C1orf87: variants seen among roughly 807,000 people sequenced by gnomAD.
C1orf87 encodes uncharacterized protein C1orf87.
In C1orf87, 58 loss-of-function variants were observed where a neutral mutation model predicts 60.5. The observed-to-expected ratio is 0.96, with a 90% CI of 0.78 to 1.19. The LOEUF is 1.19. Among genes scored for constraint, C1orf87 ranks in the 50% most tolerant of loss-of-function variants. The probability of loss-of-function intolerance (pLI) is 0.00; values close to 1 mark genes in which losing one functional copy is unlikely to be tolerated. For synonymous variants in C1orf87, 236 were observed against 227.4 expected (o/e 1.04, Z -0.34); for missense variants, 673 against 638.6 (o/e 1.05, Z -0.58).
chr1:60,019,805 A>G (rs1645149960), intron 8 of C1orf87, among the ~76,000 whole-genome samples: 1 of 152,166 alleles, frequency 6.6e-6, no homozygotes, highest in Admixed American at 6.5e-5. Flanking sequence ...CTTGAGAGAG[A>G]TGATTTAGGG....
At chr1:60,048,201 G>C (rs1406109602) in intron 3 of C1orf87, among the ~76,000 whole-genome samples, 1 of 152,126 alleles carries the variant, frequency 6.6e-6, no homozygotes, top group East Asian at 1.9e-4. Flanking sequence ...CACTCATTTT[G>C]TGAGAAGCCA....
chr1:59,991,584 T>C (rs936255221), intron 11 of C1orf87, among the ~76,000 whole-genome samples: 3 of 152,350 alleles, frequency 2.0e-5, no homozygotes, highest in Non-Finnish European at 2.9e-5. Context: ...TGGTTGAATC[T>C]GTAGTTGCGG....
intron 8 of C1orf87, among the ~76,000 whole-genome samples, chr1:60,013,327 C>G (rs1645102629): frequency 6.6e-6 from 1 of 151,782 alleles, no homozygotes; most frequent in African/African-American, 2.4e-5. Context: ...GGTTATTTTT[C>G]TCTAGATTTT....
chr1:60,027,844 T>A (rs1268454563), intron 7 of C1orf87, among the ~76,000 whole-genome samples: 1 of 152,178 alleles, frequency 6.6e-6, no homozygotes. Context: ...AGCACGGTGC[T>A]TTTTAGAAGC....
At chr1:60,046,274 C>A (rs1234326164) in intron 3 of C1orf87, among the ~76,000 whole-genome samples, 2 of 125,872 alleles carry the variant, frequency 1.6e-5, no homozygotes, top group Non-Finnish European at 3.2e-5. Context: ...CTTTCTCTTT[C>A]TCTCCTTCTT....
chr1:60,022,910 A>G (rs1315416908), intron 8 of C1orf87, among the ~76,000 whole-genome samples: 1 of 152,158 alleles, frequency 6.6e-6, no homozygotes, highest in African/African-American at 2.4e-5. Flanking sequence ...TGAAGGGAAG[A>G]TTCATTTCCC....
chr1:59,990,834 C>G lies in C1orf87; in HGVS notation c.1481-1G>C, dbSNP rs1176039594. 1 of 1,613,708 alleles carries G rather than the reference C, an allele frequency of 6.2e-7. No homozygotes were observed. Among genetic ancestry groups the G allele is most frequent in the Admixed American group, 1.7e-5 (1 of 60,000 alleles). On this transcript the variant is annotated splice_acceptor_variant, in intron 11 of 11. Transcript: ENST00000371201. LOFTEE classifies it high-confidence loss of function. Reference sequence around the variant, plus strand: ...CTGGCTCGTTCCTTCTCCAGAACTCCTGTGATTGGATTGGGTAGGAGGAAG... The same window carrying G: ...CTGGCTCGTTCCTTCTCCAGAACTCGTGTGATTGGATTGGGTAGGAGGAAG...
chr1:60,034,250 T>C (rs1645259403), intron 6 of C1orf87, among the ~76,000 whole-genome samples: 3 of 152,226 alleles, frequency 2.0e-5, no homozygotes. Flanking sequence ...AGGTGGTCTG[T>C]CTAACAGACT....
intron 8 of C1orf87, among the ~76,000 whole-genome samples, chr1:60,012,830 A>T (rs1044472059): frequency 6.6e-6 from 1 of 152,156 alleles, no homozygotes; most frequent in African/African-American, 2.4e-5. Context: ...AGGCACATGG[A>T]TCAATGGGAC....
chr1:59,990,854 A>G, intron 11 of C1orf87, 21 bp from the exon 12 acceptor site: 1 of 1,610,332 alleles, frequency 6.2e-7, no homozygotes, highest in South Asian at 1.1e-5. Flanking sequence ...ATTGGGTAGG[A>G]GGAAGGTTTT....
chr1:60,047,737 A>AG (rs1645383319), intron 3 of C1orf87, among the ~76,000 whole-genome samples: 1 of 151,860 alleles, frequency 6.6e-6, no homozygotes, highest in Non-Finnish European at 1.5e-5. Flanking sequence ...AAGTCCAAAA[A>AG]AAAAAAAGAG....
Position 60,068,344 on chromosome 1 carries a change from A to G in C1orf87, c.107+4193T>C, listed in dbSNP as rs146362940. Among the ~76,000 whole-genome samples, 585 of 152,296 alleles carry G rather than the reference A, an allele frequency of 3.8e-3. 2 individuals carry two copies. Among genetic ancestry groups the G allele is most frequent in the African/African-American group, 0.013 (554 of 41,550 alleles). ...TATTTAATCTTGTTGGTTTTAGCTT[A>G]TTTCCCTGCCAAGGCTTGTCAGCTT... On this transcript the variant is annotated intron_variant, in intron 2 of 11. Coordinates refer to ENST00000371201, the MANE Select transcript of C1orf87 (RefSeq NM_152377.3).
intron 2 of C1orf87, among the ~76,000 whole-genome samples, chr1:60,070,158 T>C (rs1645574621): frequency 6.6e-6 from 1 of 152,174 alleles, no homozygotes; most frequent in Non-Finnish European, 1.5e-5. Context: ...TGTGGTACAC[T>C]ATTACAGCAG....
chr1:60,000,518 A>G (rs1194938166), intron 10 of C1orf87, among the ~76,000 whole-genome samples: 1 of 152,120 alleles, frequency 6.6e-6, no homozygotes, highest in East Asian at 1.9e-4. Context: ...TTTAAAAAAC[A>G]ACAACAGAAA....
Position 60,055,411 on chromosome 1 carries a change from TTC to T in C1orf87, c.133_134del (p.Glu45AsnfsTer11), listed in dbSNP as rs748659723. The T allele has an allele frequency of 6.2e-6, 10 of 1,614,056 alleles. No homozygotes were observed. In the African/African-American group the frequency reaches 1.2e-4, roughly 19 times the overall value. On this transcript the variant is annotated frameshift_variant, in exon 3 of 12. Transcript: ENST00000371201. LOFTEE classifies it high-confidence loss of function. ...KIKENDSLKT[E>X]TQTMHQKPMT... ...TTGGTTTCTGGTGCATTGTTTGGGT[TTC>T]TGTTTTCAAGCTGTCATTCTCCTTG...
intron 2 of C1orf87, among the ~76,000 whole-genome samples, chr1:60,064,645 A>G (rs1442402807): frequency 4.4e-5 from 5 of 112,412 alleles, no homozygotes; most frequent in Non-Finnish European, 6.8e-5. Flanking sequence ...TATATGATAT[A>G]TTTTATATAT....
chr1:60,038,138 C>T (rs1214651207), intron 5 of C1orf87, 31 bp from the exon 6 acceptor site: 1 of 1,372,198 alleles, frequency 7.3e-7, no homozygotes, highest in South Asian at 1.5e-5. Context: ...AGAACATCCT[C>T]ATTTAATTTA....
intron 6 of C1orf87, among the ~76,000 whole-genome samples, chr1:60,037,219 T>A (rs1205917468): frequency 1.3e-5 from 2 of 152,170 alleles, no homozygotes; most frequent in Non-Finnish European, 2.9e-5. Context: ...ATGGACTGAC[T>A]GCATCCCCTC....
chr1:60,004,852 C>T (rs1477672191), intron 9 of C1orf87, among the ~76,000 whole-genome samples: 2 of 151,834 alleles, frequency 1.3e-5, no homozygotes, highest in South Asian at 2.1e-4. Flanking sequence ...ACGTAGCCAG[C>T]GCTCCTGTCT....
Sources: allele counts gnomAD v4.1 joint callset (sites outside exome capture counted in the v4.1 genomes callset), GRCh38; gene constraint gnomAD v4.1.1; transcripts MANE v1.5; gene names NCBI Gene and HGNC (gene_info 2026-07-23, HGNC 2026-07-21).